Variants in LEMD3 observed in about 807,000 individuals in gnomAD.
The protein encoded by LEMD3 is LEM domain containing 3.
In LEMD3, 33 loss-of-function variants were observed where a neutral mutation model predicts 95.2. The ratio of observed to expected loss-of-function variants is 0.35; its 90% confidence interval spans 0.26 to 0.46. The LOEUF is 0.46. Ranked by LOEUF, LEMD3 falls within the 20% of genes least tolerant of loss-of-function variation. The pLI, the probability that LEMD3 is intolerant of heterozygous loss-of-function variation, is 1.00. For synonymous variants in LEMD3, 525 were observed against 474.6 expected (o/e 1.11, Z -1.38); for missense variants, 1,210 against 1,192.8 (o/e 1.01, Z -0.21).
intron 1 of LEMD3, among the ~76,000 whole-genome samples, chr12:65,203,282 G>C (rs1017134854): frequency 2.6e-5 from 2 of 76,810 alleles, no homozygotes; most frequent in Admixed American, 3.2e-4. Flanking sequence ...TCCAATAATG[G>C]AACACTAGAC....
At position 65,169,807 on chromosome 12, in the gene LEMD3, A is replaced by C; in HGVS notation, c.211A>C (p.Thr71Pro). The change falls in exon 1 of 13, where the codon ACG becomes CCG. Residue 71 changes from threonine to proline, a missense_variant. Thr to Pro is a conservative substitution (Grantham distance 38, BLOSUM62 -1). Transcript: ENST00000308330. ...GACGCGGAACAGTAATAACAATAAC[A>C]CGGCAGCCGCCACGGTCGCAGCCGC... The part of the protein sequence containing the change: ...NKTRNSNNNN[T>P]AAATVAAAGP... The C allele has an allele frequency of 6.6e-7, 1 of 1,507,114 alleles. No homozygotes were observed. Among genetic ancestry groups the C allele is most frequent in the Non-Finnish European group, 8.9e-7 (1 of 1,125,858 alleles). 93.4% of individuals were successfully genotyped at this position (1,507,114 alleles called of 1,614,324 possible). A position where few individuals can be genotyped will look rare whatever the true frequency, so the allele number is the denominator to read the frequency against.
Position 65,170,148 on chromosome 12 carries a change from C to T in LEMD3, c.552C>T (p.Asn184=), listed in dbSNP as rs931195843. ...CCCTGGCCGCCAGCGAGGTGACTAACAGCAACTCTGCAGAGCGAAGGAAGC... is the reference window on the plus strand; with the variant it reads ...CCCTGGCCGCCAGCGAGGTGACTAATAGCAACTCTGCAGAGCGAAGGAAGC... The part of the protein sequence containing the change: ...PAPLAASEVT[N]SNSAERRKPH... The change falls in exon 1 of 13, where the codon AAC becomes AAT. Residue 184 remains asparagine, a synonymous_variant. Transcript: ENST00000308330. 3 of 1,479,498 alleles carry T rather than the reference C, an allele frequency of 2.0e-6. No individual in the cohort carries two copies. Among genetic ancestry groups the T allele is most frequent in the Non-Finnish European group, 2.7e-6 (3 of 1,120,356 alleles). The allele number at this position is 1,479,498 out of a possible 1,614,324, so 91.6% of individuals were successfully genotyped here.
intron 4 of LEMD3, among the ~76,000 whole-genome samples, chr12:65,230,127 A>G (rs868249948): frequency 7.2e-5 from 11 of 152,064 alleles, no homozygotes; most frequent in African/African-American, 2.7e-4. Flanking sequence ...ACGTGGATTT[A>G]TTTCTGGGGT....
At position 65,207,546 on chromosome 12, in the gene LEMD3, A is replaced by T. The variant is rs181478645; in HGVS notation, c.1523-3380A>T. ...GGCAAATTGGAGAAGAAAAACATTC[A>T]GGCCTAAAGAAGACCAGAAAGAGCA... On this transcript the variant is annotated intron_variant, in intron 1 of 12. Transcript: ENST00000308330. Among the ~76,000 whole-genome samples the T allele has an allele frequency of 2.0e-3, 305 of 152,280 alleles. 2 individuals are homozygous for T. Among genetic ancestry groups the T allele is most frequent in the African/African-American group, 6.9e-3 (286 of 41,572 alleles).
At chr12:65,191,025 T>C (rs897501552) in intron 1 of LEMD3, among the ~76,000 whole-genome samples, 1 of 152,086 alleles carries the variant, frequency 6.6e-6, no homozygotes, top group Non-Finnish European at 1.5e-5. Flanking sequence ...AAATAACCTA[T>C]AATTTTTCTT....
chr12:65,202,517 A>C (rs1019578246), intron 1 of LEMD3, among the ~76,000 whole-genome samples: 1 of 152,122 alleles, frequency 6.6e-6, no homozygotes, highest in African/African-American at 2.4e-5. Context: ...AGACTTTTGC[A>C]TCTGTATTCA....
At chr12:65,229,533 C>T (rs139130707) in intron 4 of LEMD3, among the ~76,000 whole-genome samples, 66 of 152,272 alleles carry the variant, frequency 4.3e-4, no homozygotes, top group Non-Finnish European at 8.2e-4. Flanking sequence ...TCTGCATCCT[C>T]GCCAGCATTT....
intron 8 of LEMD3, 136 bp from the exon 9 acceptor site, chr12:65,240,773 C>T: frequency 1.4e-6 from 1 of 729,892 alleles, no homozygotes; most frequent in South Asian, 1.6e-5. Flanking sequence ...GAGATATAGG[C>T]ATCTAAATCT....
chr12:65,192,736 G>C (rs1218699817), intron 1 of LEMD3, among the ~76,000 whole-genome samples: 1 of 152,060 alleles, frequency 6.6e-6, no homozygotes, highest in African/African-American at 2.4e-5. Flanking sequence ...TCTGAAATAA[G>C]CCAAAAGTGG....
chr12:65,193,717 G>T (rs532150089), intron 1 of LEMD3, among the ~76,000 whole-genome samples: 1 of 136,220 alleles, frequency 7.3e-6, no homozygotes, highest in South Asian at 2.3e-4. Flanking sequence ...CCTGATGGTC[G>T]CCTAACATAA....
At chr12:65,243,346 C>A in intron 9 of LEMD3, 42 bp from the exon 10 acceptor site, 1 of 1,193,116 alleles carries the variant, frequency 8.4e-7, no homozygotes, top group Non-Finnish European at 1.3e-6. Flanking sequence ...TTTCAACAAA[C>A]TAGAACAATG....
chr12:65,246,225 T>G lies in LEMD3; in HGVS notation c.2636T>G (p.Leu879Arg). ...DRYHHRFPQA[L>R]TSNTPLKPSN... ...TACCACCATCGCTTTCCCCAGGCTC[T>G]CACTTCCAACACTCCATTGAAGCCA... The change falls in exon 13 of 13, where the codon CTC (leucine) becomes CGC (arginine). Residue 879 changes from leucine (L) to arginine (R), a missense_variant. By Grantham distance (102) the Leu-to-Arg change is moderately radical (BLOSUM62 -2). Around this residue, in one of 2 missense-constraint regions of LEMD3, gnomAD observed 461 missense variants for 569.8 expected, o/e 0.81. Coordinates refer to ENST00000308330, the MANE Select transcript of LEMD3 (RefSeq NM_014319.5). 6.2e-7 allele frequency: 1 copy of G among 1,613,004 alleles called. No homozygotes were observed. Among genetic ancestry groups the G allele is most frequent in the Non-Finnish European group, 8.5e-7 (1 of 1,179,106 alleles).
intron 1 of LEMD3, among the ~76,000 whole-genome samples, chr12:65,180,839 A>C (rs913760615): frequency 4.6e-5 from 7 of 152,234 alleles, no homozygotes; most frequent in Non-Finnish European, 1.0e-4. Context: ...CTCCTGAACT[A>C]ATTGGGTAGT....
At chr12:65,214,070 C>T (rs1421519333) in intron 2 of LEMD3, among the ~76,000 whole-genome samples, 2 of 152,056 alleles carry the variant, frequency 1.3e-5, no homozygotes, top group Non-Finnish European at 2.9e-5. Flanking sequence ...CAGCCCTGCT[C>T]TTACTTTTTT....
chr12:65,187,400 G>T (rs1278260798), intron 1 of LEMD3, among the ~76,000 whole-genome samples: 1 of 152,014 alleles, frequency 6.6e-6, no homozygotes. Context: ...TTCTTGGGTT[G>T]TTTCACTTAA....
intron 1 of LEMD3, among the ~76,000 whole-genome samples, chr12:65,196,536 G>A (rs1869434601): frequency 6.6e-6 from 1 of 152,062 alleles, no homozygotes; most frequent in South Asian, 2.1e-4. Flanking sequence ...GATGGTTGGA[G>A]TTCTAGAGTC....
rs544458897 is a variant in LEMD3 at position 65,173,505 on chromosome 12, CTG to C, written c.1522+2390_1522+2391del. 3.0e-3 allele frequency among the ~76,000 whole-genome samples: 454 copies of C among 152,304 alleles called. 6 individuals carry two copies. The highest frequency in any genetic ancestry group is 2.4e-3 in the Non-Finnish European group (161 of 68,022). ...TAGGTTCTAGGACTTGTCTGAATGA[CTG>C]TGGTCAAGCTCCTTAATCTCTGAGC... On this transcript the variant is annotated intron_variant, in intron 1 of 12. Coordinates refer to ENST00000308330, the MANE Select transcript of LEMD3 (RefSeq NM_014319.5).
intron 1 of LEMD3, among the ~76,000 whole-genome samples, chr12:65,182,723 A>G (rs190480405): frequency 2.6e-4 from 39 of 152,300 alleles, no homozygotes; most frequent in Non-Finnish European, 4.6e-4. Context: ...GTCAGTGTAA[A>G]TGGGTTACAT....
chr12:65,230,049 G>T (rs1361586739), intron 4 of LEMD3, among the ~76,000 whole-genome samples: 1 of 152,138 alleles, frequency 6.6e-6, no homozygotes, highest in African/African-American at 2.4e-5. Flanking sequence ...GCACCATTTA[G>T]TGAAGAGACT....
Sources: gnomAD v4.1 joint callset for allele counts (sites outside exome capture counted in the v4.1 genomes callset) on GRCh38, gnomAD v4.1.1 for gene constraint, gnomAD v4.1.1 regional missense constraint, MANE v1.5 for transcripts, NCBI Gene and HGNC (gene_info 2026-07-23, HGNC 2026-07-21) for gene names.